ARSB: variants seen among roughly 807,000 people sequenced by gnomAD.
ARSB encodes the protein arylsulfatase B.
In ARSB, 41 loss-of-function variants were observed where a neutral mutation model predicts 50.9. The ratio of observed to expected loss-of-function variants is 0.81; its 90% CI spans 0.63 to 1.04. ARSB has a LOEUF of 1.04. Ranked by LOEUF, ARSB falls within the 50% of genes least tolerant of loss-of-function variation. The pLI is 0.00. For synonymous variants in ARSB, 269 were observed against 284.8 expected (o/e 0.94, Z 0.56); for missense variants, 672 against 693.3 (o/e 0.97, Z 0.35).
intron 5 of ARSB, 124 bp from the exon 6 acceptor site, chr5:78,839,550 A>C (rs1745102450): frequency 1.2e-6 from 1 of 864,334 alleles, no homozygotes; most frequent in Non-Finnish European, 1.9e-6. Context: ...TCTGTCATGA[A>C]TTTGGAGGTC....
intron 5 of ARSB, 65 bp downstream of exon 5, chr5:78,885,519 C>T: frequency 6.3e-7 from 1 of 1,593,194 alleles, no homozygotes; most frequent in Non-Finnish European, 8.5e-7. Context: ...ATCATTCTTG[C>T]TCAATGGAGT....
intron 5 of ARSB, among the ~76,000 whole-genome samples, chr5:78,882,677 T>A (rs112250987): frequency 7.9e-4 from 114 of 144,960 alleles, no homozygotes; most frequent in African/African-American, 2.7e-3. Flanking sequence ...GTCTGTTAAA[T>A]AAGGAAAAAA....
intron 6 of ARSB, among the ~76,000 whole-genome samples, chr5:78,835,377 G>A (rs927818187): frequency 5.3e-5 from 8 of 152,140 alleles, no homozygotes; most frequent in Non-Finnish European, 1.0e-4. Context: ...GGAGCATGTG[G>A]TGCTAGGCAG....
intron 6 of ARSB, among the ~76,000 whole-genome samples, chr5:78,793,712 G>C (rs1031444068): frequency 2.0e-5 from 3 of 152,088 alleles, no homozygotes; most frequent in African/African-American, 7.2e-5. Context: ...GGTGGAGGAA[G>C]GCAAGGAGAC....
At chr5:78,977,446 G>A (rs1365511525) in intron 1 of ARSB, among the ~76,000 whole-genome samples, 4 of 152,040 alleles carry the variant, frequency 2.6e-5, no homozygotes, top group Non-Finnish European at 4.4e-5. Context: ...GAGCCACCAC[G>A]CCTGGCCTGT....
chr5:78,976,601 C>T (rs1345482977), intron 1 of ARSB, among the ~76,000 whole-genome samples: 2 of 152,154 alleles, frequency 1.3e-5, no homozygotes, highest in African/African-American at 4.8e-5. Context: ...AGCCACTGCG[C>T]CCAGCCAAGC....
At chr5:78,798,811 A>G (rs1743273067) in intron 6 of ARSB, among the ~76,000 whole-genome samples, 1 of 152,298 alleles carries the variant, frequency 6.6e-6, no homozygotes, top group African/African-American at 2.4e-5. Flanking sequence ...AGCAGTGGCA[A>G]CAATTACAGT....
At chr5:78,839,968 G>A (rs568513418) in intron 5 of ARSB, among the ~76,000 whole-genome samples, 1 of 152,312 alleles carries the variant, frequency 6.6e-6, no homozygotes, top group South Asian at 2.1e-4. Flanking sequence ...TAAAAAATGT[G>A]TACACACAAA....
chr5:78,785,902 CAGA>C (rs1240259649), intron 6 of ARSB, among the ~76,000 whole-genome samples: 1 of 152,142 alleles, frequency 6.6e-6, no homozygotes, highest in African/African-American at 2.4e-5. Flanking sequence ...GATGTGGCTG[CAGA>C]AGAAGGGTCA....
rs765872780 is a variant in ARSB, at chr5:78,780,541, G to A, written c.1458C>T (p.Asp486=). 1.2e-6 allele frequency: 2 copies of A among 1,614,150 alleles called. No individual in the cohort carries two copies. The highest frequency in any genetic ancestry group is 1.7e-6 in the Non-Finnish European group (2 of 1,180,026). ...CGATGTGAGGATATTCTCTGGACAGGTCATGTCTTTCTTCAGGGTCCCGAT... is the reference window on the plus strand; with the variant it reads ...CGATGTGAGGATATTCTCTGGACAGATCATGTCTTTCTTCAGGGTCCCGAT... ...DIDRDPEERH[D]LSREYPHIVT... Residue 486 remains aspartate (D), a synonymous_variant, in exon 8 of 8, where the codon GAC becomes GAT. Coordinates refer to ENST00000264914, the MANE Select transcript of ARSB (RefSeq NM_000046.5).
intron 4 of ARSB, among the ~76,000 whole-genome samples, chr5:78,890,407 C>A (rs1375797892): frequency 6.6e-6 from 1 of 151,988 alleles, no homozygotes; most frequent in Admixed American, 6.6e-5. Context: ...TGTGCCACCA[C>A]GCTTGGCTAC....
chr5:78,826,748 A>C (rs975681938), intron 6 of ARSB, among the ~76,000 whole-genome samples: 3 of 152,232 alleles, frequency 2.0e-5, no homozygotes, highest in African/African-American at 4.8e-5. Context: ...TAAAGGAAGA[A>C]GCTAAAGCTG....
intron 5 of ARSB, among the ~76,000 whole-genome samples, chr5:78,866,969 C>A (rs1025440868): frequency 6.6e-6 from 1 of 151,880 alleles, no homozygotes; most frequent in Non-Finnish European, 1.5e-5. Flanking sequence ...GCACACCGTG[C>A]GCGAGCCAAA....
intron 4 of ARSB, among the ~76,000 whole-genome samples, chr5:78,916,071 G>A (rs1259587317): frequency 1.3e-5 from 2 of 152,172 alleles, no homozygotes; most frequent in African/African-American, 4.8e-5. Flanking sequence ...AATTACTGAA[G>A]TTCGGGATGA....
intron 6 of ARSB, among the ~76,000 whole-genome samples, chr5:78,814,104 T>A (rs1207489803): frequency 6.6e-6 from 1 of 151,012 alleles, no homozygotes; most frequent in Non-Finnish European, 1.5e-5. Context: ...TTTAATTTCA[T>A]GACCACTTCC....
Position 78,778,259 on chromosome 5 carries a change from A to C in ARSB, c.*2138T>G, listed in dbSNP as rs1748826152. On this transcript the variant is annotated 3_prime_UTR_variant, in exon 8 of 8. Coordinates refer to ENST00000264914, the MANE Select transcript of ARSB (RefSeq NM_000046.5). The stretch of plus-strand genomic sequence containing the variant: ...AGTGGGAGGTGATGGCAGTTTGGTC[A>C]GCTGTTTGCCAACCCAGGAGTTGGG... 1 of 152,224 alleles carries C rather than the reference A, an allele frequency of 6.6e-6. No individual in the cohort carries two copies. The highest frequency in any genetic ancestry group is 2.4e-5 in the African/African-American group (1 of 41,442). 9.4% of individuals were successfully genotyped at this position (152,224 alleles called of 1,614,324 possible). A position where few individuals can be genotyped will look rare whatever the true frequency, so the allele number is the denominator to read the frequency against.
At chr5:78,782,914 T>C (rs1464248758) in intron 6 of ARSB, among the ~76,000 whole-genome samples, 1 of 152,038 alleles carries the variant, frequency 6.6e-6, no homozygotes, top group Non-Finnish European at 1.5e-5. Flanking sequence ...TGGCTGGAAA[T>C]TGGACAGCAA....
intron 6 of ARSB, among the ~76,000 whole-genome samples, chr5:78,806,456 AT>A (rs1286275963): frequency 1.3e-5 from 2 of 152,228 alleles, no homozygotes; most frequent in Non-Finnish European, 2.9e-5. Flanking sequence ...ACAAAATGTG[AT>A]TCCTGGACTG....
At chr5:78,922,204 G>C (rs979681265) in intron 4 of ARSB, among the ~76,000 whole-genome samples, 5 of 151,510 alleles carry the variant, frequency 3.3e-5, no homozygotes, top group East Asian at 1.9e-4. Flanking sequence ...GGATTTGGTG[G>C]GGGGGGAGGA....
Sources: allele counts gnomAD v4.1 joint callset (sites outside exome capture counted in the v4.1 genomes callset), GRCh38; gene constraint gnomAD v4.1.1; transcripts MANE v1.5; gene names NCBI Gene and HGNC (gene_info 2026-07-23, HGNC 2026-07-21).